TJP1: variants seen among roughly 807,000 people sequenced by gnomAD.
TJP1 encodes tight junction protein ZO-1.
TJP1 carries 43 observed loss-of-function variants against 194.2 expected under a neutral mutation model. That is an observed-to-expected ratio of 0.22 (90% CI 0.17 to 0.29). The LOEUF is 0.29. Among genes scored for constraint, TJP1 ranks in the 10% least tolerant of loss-of-function variants. The pLI is 1.00. For synonymous variants in TJP1, 801 were observed against 779.0 expected (o/e 1.03, Z -0.47); for missense variants, 1,971 against 2,185.7 (o/e 0.90, Z 1.96).
chr15:29,745,489 G>T (rs776675550), intron 8 of TJP1, among the ~76,000 whole-genome samples: 30 of 152,224 alleles, frequency 2.0e-4, no homozygotes, highest in Middle Eastern at 3.4e-3. Context: ...GGAAGCCTTT[G>T]CAAGTAGGAT....
intron 2 of TJP1, among the ~76,000 whole-genome samples, chr15:29,864,982 C>G (rs2052250943): frequency 6.6e-6 from 1 of 152,134 alleles, no homozygotes; most frequent in Non-Finnish European, 1.5e-5. Context: ...TTTTCTTCTT[C>G]TGTGGGAGTG....
At chr15:29,929,515 G>A (rs924411864) in intron 2 of TJP1, among the ~76,000 whole-genome samples, 3 of 151,988 alleles carry the variant, frequency 2.0e-5, no homozygotes, top group East Asian at 1.9e-4. Flanking sequence ...TGGCCAACAC[G>A]GCAAAACCCC....
intron 2 of TJP1, among the ~76,000 whole-genome samples, chr15:29,859,356 G>C (rs1336141351): frequency 6.6e-6 from 1 of 152,126 alleles, no homozygotes; most frequent in Non-Finnish European, 1.5e-5. Flanking sequence ...ATAAAACAAA[G>C]TCAAATATTA....
chr15:29,931,167 G>A (rs903550705), intron 2 of TJP1, among the ~76,000 whole-genome samples: 2 of 152,140 alleles, frequency 1.3e-5, no homozygotes, highest in African/African-American at 4.8e-5. Flanking sequence ...TCATATAGAA[G>A]AGAAAATATA....
chr15:29,721,047 G>T (rs1385288371), intron 18 of TJP1, among the ~76,000 whole-genome samples: 1 of 152,174 alleles, frequency 6.6e-6, no homozygotes, highest in Non-Finnish European at 1.5e-5. Context: ...TTTAAGCAAG[G>T]GGAAGAGGGA....
At chr15:29,934,278 C>T (rs1431896221) in intron 2 of TJP1, among the ~76,000 whole-genome samples, 2 of 152,162 alleles carry the variant, frequency 1.3e-5, no homozygotes, top group African/African-American at 4.8e-5. Context: ...GTTCATGCTA[C>T]CTGTACTGAA....
intron 2 of TJP1, among the ~76,000 whole-genome samples, chr15:29,873,603 A>G (rs184753013): frequency 4.6e-5 from 7 of 152,304 alleles, no homozygotes; most frequent in Admixed American, 2.0e-4. Flanking sequence ...TATGCTTTAT[A>G]TTCTTTTACA....
At chr15:29,892,194 A>G (rs1329472778) in intron 2 of TJP1, among the ~76,000 whole-genome samples, 3 of 150,772 alleles carry the variant, frequency 2.0e-5, no homozygotes, top group African/African-American at 7.4e-5. Flanking sequence ...CATTCCCTTA[A>G]ATCAAAGCCT....
At chr15:29,776,107 C>G (rs1406370147) in intron 2 of TJP1, among the ~76,000 whole-genome samples, 1 of 152,112 alleles carries the variant, frequency 6.6e-6, no homozygotes, top group East Asian at 1.9e-4. Flanking sequence ...CCCAATATTA[C>G]AGCTCAACAT....
At chr15:29,969,043 C>G (rs942890068), upstream of TJP1, among the ~76,000 whole-genome samples, 8 of 147,212 alleles carry the variant, frequency 5.4e-5, no homozygotes, top group African/African-American at 1.9e-4. Context: ...GGCCGTGGCC[C>G]GGCGGCGCGC....
chr15:29,906,862 G>C (rs191733818), intron 2 of TJP1, among the ~76,000 whole-genome samples: 224 of 152,122 alleles, frequency 1.5e-3, no homozygotes, highest in Non-Finnish European at 2.4e-3. Context: ...TTACAGGCAT[G>C]AGCCACTGTG....
chr15:29,745,049 T>A (rs562410713), intron 8 of TJP1, among the ~76,000 whole-genome samples: 2 of 152,242 alleles, frequency 1.3e-5, no homozygotes, highest in Non-Finnish European at 2.9e-5. Flanking sequence ...GAAAAAAGTG[T>A]TAATATCAAA....
intron 8 of TJP1, among the ~76,000 whole-genome samples, chr15:29,746,926 C>G (rs1342097889): frequency 6.8e-6 from 1 of 148,032 alleles, no homozygotes; most frequent in Non-Finnish European, 1.5e-5. Context: ...AAAAAAAAAG[C>G]CAAGATATTT....
intron 2 of TJP1, among the ~76,000 whole-genome samples, chr15:29,951,193 A>C (rs1454384587): frequency 7.9e-5 from 12 of 151,038 alleles, no homozygotes; most frequent in Admixed American, 7.9e-4. Context: ...TTTGAGATGG[A>C]GTCTTGCTCT....
intron 18 of TJP1, among the ~76,000 whole-genome samples, chr15:29,723,562 CAGT>C: frequency 6.6e-6 from 1 of 152,304 alleles, no homozygotes; most frequent in East Asian, 1.9e-4. Context: ...TTCTTTACAG[CAGT>C]TCAAGAGCAG....
rs963052415 is a variant in TJP1 at position 29,963,061 on chromosome 15, C to T, written c.173+5606G>A. On this transcript the variant is annotated intron_variant, in intron 1 of 28. Coordinates refer to the TJP1 transcript ENST00000356107. ...GAGGCTGAGGCAGAAGAATCACTTG[C>T]ACCCGGGAGGCGGAGGTTGCAGTGA... 2.6e-5 allele frequency among the ~76,000 whole-genome samples: 4 copies of T among 152,230 alleles called. No homozygotes were observed. In the South Asian group the frequency reaches 6.2e-4, roughly 24 times the overall value.
At chr15:29,924,733 T>C (rs2054472231) in intron 2 of TJP1, among the ~76,000 whole-genome samples, 1 of 152,148 alleles carries the variant, frequency 6.6e-6, no homozygotes, top group Admixed American at 6.5e-5. Flanking sequence ...AATGACAGGC[T>C]CTTTCCCAGA....
At chr15:29,788,703 T>C (rs2047867974) in intron 2 of TJP1, among the ~76,000 whole-genome samples, 2 of 152,218 alleles carry the variant, frequency 1.3e-5, no homozygotes, top group Non-Finnish European at 2.9e-5. Context: ...TTTAATACTT[T>C]AGTATACAAA....
intron 9 of TJP1, among the ~76,000 whole-genome samples, chr15:29,742,280 AG>A (rs2044473643): frequency 6.6e-6 from 1 of 152,066 alleles, no homozygotes; most frequent in Admixed American, 6.5e-5. Flanking sequence ...CAATAAATAA[AG>A]GTATACTCCA....
Sources: allele counts gnomAD v4.1 joint callset (sites outside exome capture counted in the v4.1 genomes callset), GRCh38; gene constraint gnomAD v4.1.1; transcripts MANE v1.5; gene names NCBI Gene and HGNC (gene_info 2026-07-23, HGNC 2026-07-21).